EPHB2: variants seen among roughly 807,000 people sequenced by gnomAD.
EPHB2 encodes the protein ephrin type-B receptor 2.
EPHB2 carries 18 observed loss-of-function variants against 96.4 expected under a neutral mutation model. That is an observed-to-expected ratio of 0.19 (90% CI 0.13 to 0.28). The LOEUF (loss-of-function observed/expected upper bound fraction) is 0.28. Ranked by LOEUF, EPHB2 falls within the 10% of genes least tolerant of loss-of-function variation. The pLI, the probability that EPHB2 is intolerant of heterozygous loss-of-function variation, is 1.00. For missense variants in EPHB2, 989 were observed against 1,355.4 expected (o/e 0.73, Z 4.25); for synonymous variants, 506 against 534.1 (o/e 0.95, Z 0.72).
intron 3 of EPHB2, among the ~76,000 whole-genome samples, chr1:22,827,716 G>C (rs1645244539): frequency 6.6e-6 from 1 of 152,214 alleles, no homozygotes; most frequent in Non-Finnish European, 1.5e-5. Context: ...CTAGAGCCCA[G>C]AGTGCTTTAC....
chr1:22,819,368 T>C (rs1029985494), intron 3 of EPHB2, among the ~76,000 whole-genome samples: 1 of 152,146 alleles, frequency 6.6e-6, no homozygotes, highest in Non-Finnish European at 1.5e-5. Context: ...CCAAGACTTC[T>C]TGTGAAGACT....
chr1:22,750,883 A>G (rs574944639), intron 1 of EPHB2, among the ~76,000 whole-genome samples: 3 of 152,336 alleles, frequency 2.0e-5, no homozygotes, highest in African/African-American at 7.2e-5. Context: ...TCACACCTCC[A>G]GAGTGTCAGA....
rs1218100668 is a variant in EPHB2, at chr1:22,862,943, G to A, written c.812-94G>A. ...CAGTGGTGCTGCATGGCCCCTCCGC[G>A]AGGCTGTGTGGCCCCTCCGTGAGGC... is the stretch of plus-strand genomic sequence containing the variant. On this transcript the variant is annotated intron_variant, in intron 3 of 15. Coordinates refer to ENST00000374630, the MANE Select transcript of EPHB2 (RefSeq NM_017449.5). 1.0e-5 allele frequency: 16 copies of A among 1,528,312 alleles called. No homozygotes were observed. In the East Asian group the frequency reaches 1.8e-4, roughly 17 times the overall value. The allele number at this position is 1,528,312 out of a possible 1,614,324, so 94.7% of individuals were successfully genotyped here. A position where few individuals can be genotyped will look rare whatever the true frequency, so the allele number is the denominator to read the frequency against.
At chr1:22,724,235 CAT>C (rs755053959) in intron 1 of EPHB2, among the ~76,000 whole-genome samples, 14 of 151,790 alleles carry the variant, frequency 9.2e-5, no homozygotes, top group Non-Finnish European at 1.8e-4. Context: ...TTCCCCCTTG[CAT>C]GTGTGTGTGT....
intron 1 of EPHB2, among the ~76,000 whole-genome samples, chr1:22,718,916 T>C (rs1334652738): frequency 1.3e-5 from 2 of 152,120 alleles, no homozygotes; most frequent in Non-Finnish European, 2.9e-5. Context: ...ACTTCTAGAA[T>C]GTGCCTCCCT....
At position 22,916,497 on chromosome 1, in the gene EPHB2, CCCCCACCCACCCA is replaced by C. The variant is rs1640270798; in HGVS notation, c.*2936_*2948del. On this transcript the variant is annotated 3_prime_UTR_variant, in exon 16 of 16. Transcript: ENST00000374630. This position sits in a 1 kb window ranked among gnomAD's most constrained non-coding sequence, Gnocchi z 4.2. ...ACAGGCGCTGCTCACATCTCTTCCA[CCCCCACCCACCCA>C]CCCCACCCGCTACCGGGGCAGTCGC... The C allele has an allele frequency of 6.7e-6, 1 of 149,922 alleles. No homozygotes were observed. The allele number at this position is 149,922 out of a possible 1,614,324, so 9.3% of individuals were successfully genotyped here.
At chr1:22,814,328 A>G (rs1645042968) in intron 3 of EPHB2, among the ~76,000 whole-genome samples, 2 of 152,194 alleles carry the variant, frequency 1.3e-5, no homozygotes, top group African/African-American at 4.8e-5. Flanking sequence ...CTGAGAAACA[A>G]CGAAGAGGCC....
chr1:22,757,958 G>A lies in EPHB2; in HGVS notation c.62-23463G>A, dbSNP rs574688161. 7.8e-3 allele frequency among the ~76,000 whole-genome samples: 1,003 copies of A among 128,250 alleles called. 11 individuals carry two copies. The highest frequency in any genetic ancestry group is 0.028 in the African/African-American group (902 of 32,520). 84.1% of individuals were successfully genotyped at this position (128,250 alleles called of 152,430 possible). ...TTTTGAGACGGAGTCTCGCTCTGTT[G>A]CCCAGGCTGGAGTGCAGTGGCGCGA... is the stretch of plus-strand genomic sequence containing the variant. On this transcript the variant is annotated intron_variant, in intron 1 of 15. Transcript: ENST00000374630.
chr1:22,784,976 C>A lies in EPHB2; in HGVS notation c.711C>A (p.Ile237=), dbSNP rs1644589322. 6.2e-7 allele frequency: 1 copy of A among 1,614,040 alleles called. No homozygotes were observed. The highest frequency in any genetic ancestry group is 1.1e-5 in the South Asian group (1 of 91,088). The change falls in exon 3 of 16, where the codon ATC becomes ATA. Residue 237 remains isoleucine (I), a synonymous_variant. Coordinates refer to ENST00000374630, the MANE Select transcript of EPHB2 (RefSeq NM_017449.5). This position sits in a 1 kb window ranked among gnomAD's most constrained non-coding sequence, Gnocchi z 5.1. ...ATGCGGAAGAGGTGGATGTACCCAT[C>A]AAGCTCTACTGTAACGGGGACGGCG... The part of the protein sequence containing the change: ...IANAEEVDVP[I]KLYCNGDGEW...
intron 5 of EPHB2, among the ~76,000 whole-genome samples, chr1:22,879,483 G>A (rs965844545): frequency 3.3e-5 from 5 of 152,210 alleles, no homozygotes; most frequent in Admixed American, 3.3e-4. Context: ...TCCTCACAAA[G>A]GCAGTTCCAC....
At chr1:22,899,718 T>A (rs1378353449) in intron 9 of EPHB2, among the ~76,000 whole-genome samples, 1 of 152,172 alleles carries the variant, frequency 6.6e-6, no homozygotes, top group Non-Finnish European at 1.5e-5. Flanking sequence ...ATAGGCCAGG[T>A]GCCATGGTTC....
intron 3 of EPHB2, among the ~76,000 whole-genome samples, chr1:22,810,970 C>G (rs915610355): frequency 3.9e-5 from 6 of 152,280 alleles, no homozygotes; most frequent in Admixed American, 3.9e-4. Context: ...CACCCTGTTC[C>G]CTGCCCCTTG....
intron 1 of EPHB2, among the ~76,000 whole-genome samples, chr1:22,757,588 G>A (rs10917292): frequency 0.93 from 140,928 of 152,188 alleles, 66,216 homozygotes; most frequent in East Asian, 1. Context: ...TCGACCAGGC[G>A]TGGTGCCTCA....
intron 1 of EPHB2, among the ~76,000 whole-genome samples, chr1:22,739,800 T>A (rs1297882872): frequency 6.6e-6 from 1 of 152,080 alleles, no homozygotes; most frequent in Admixed American, 6.5e-5. Flanking sequence ...AGAAGGAAGC[T>A]GCCCTCCCCC....
At chr1:22,844,422 G>A (rs894158018) in intron 3 of EPHB2, among the ~76,000 whole-genome samples, 1 of 152,270 alleles carries the variant, frequency 6.6e-6, no homozygotes, top group African/African-American at 2.4e-5. Context: ...GGGGCTGGCA[G>A]GAGACCCAGG....
chr1:22,887,298 AGGT>A (rs1478494936), intron 6 of EPHB2, among the ~76,000 whole-genome samples: 1 of 152,156 alleles, frequency 6.6e-6, no homozygotes, highest in Non-Finnish European at 1.5e-5. Context: ...GCTAGGCTGC[AGGT>A]GGTAGGATTT....
intron 6 of EPHB2, among the ~76,000 whole-genome samples, chr1:22,892,542 C>T (rs547063552): frequency 1.3e-5 from 2 of 152,294 alleles, no homozygotes; most frequent in Admixed American, 1.3e-4. Context: ...GTGCAAGTTC[C>T]TCTCATGGCA....
chr1:22,747,900 C>T (rs940117191), intron 1 of EPHB2, among the ~76,000 whole-genome samples: 8 of 152,196 alleles, frequency 5.3e-5, no homozygotes, highest in Middle Eastern at 3.2e-3. Context: ...CTCTCTGTGC[C>T]TCAGTTACTT....
At chr1:22,818,252 CG>C (rs1557693407) in intron 3 of EPHB2, among the ~76,000 whole-genome samples, 2 of 152,132 alleles carry the variant, frequency 1.3e-5, no homozygotes, top group Non-Finnish European at 2.9e-5. Flanking sequence ...AGTCCCACCC[CG>C]AGTCATCCTC....
Sources: allele counts gnomAD v4.1 joint callset (sites outside exome capture counted in the v4.1 genomes callset), GRCh38; gene constraint gnomAD v4.1.1; non-coding constraint Gnocchi (gnomAD v3.1); transcripts MANE v1.5; gene names NCBI Gene and HGNC (gene_info 2026-07-23, HGNC 2026-07-21).